Variants in LRMDA observed in about 807,000 individuals in gnomAD.
LRMDA encodes the protein leucine rich melanocyte differentiation associated.
LRMDA carries 18 observed loss-of-function variants against 29.8 expected under a neutral mutation model. That is an observed-to-expected ratio of 0.60 (90% CI 0.42 to 0.90). The LOEUF (loss-of-function observed/expected upper bound fraction) is 0.90, where lower values mean the gene tolerates loss of function less well. Ranked by LOEUF, LRMDA falls within the 40% of genes least tolerant of loss-of-function variation. The pLI, the probability that LRMDA is intolerant of heterozygous loss-of-function variation, is 0.00. For synonymous variants in LRMDA, 125 were observed against 109.4 expected (o/e 1.14, Z -0.89); for missense variants, 273 against 273.9 (o/e 1.00, Z 0.02).
In LRMDA at chr10:76,214,373, C is replaced by T. The variant is rs1040754234; in HGVS notation, c.517-110028C>T. ...TTTTTTTTATGAGACGGAGTCTCCT[C>T]TGTCGCCCAGGCCGGACTGCGTCCG... On this transcript the variant is annotated intron_variant, in intron 5 of 6. Coordinates refer to ENST00000611255, the MANE Select transcript of LRMDA (RefSeq NM_001305581.2). 4.9e-5 allele frequency among the ~76,000 whole-genome samples: 6 copies of T among 121,372 alleles called. No individual in the cohort carries two copies. The East Asian group carries it at 1.1e-3, about 22-fold the overall frequency. 79.6% of individuals were successfully genotyped at this position (121,372 alleles called of 152,430 possible). A position where few individuals can be genotyped will look rare whatever the true frequency, so the allele number is the denominator to read the frequency against.
chr10:75,818,569 T>C (rs1844099743), intron 2 of LRMDA, among the ~76,000 whole-genome samples: 1 of 152,188 alleles, frequency 6.6e-6, no homozygotes, highest in African/African-American at 2.4e-5. Flanking sequence ...AGAACTGCCT[T>C]CTTCTCCAGA....
intron 2 of LRMDA, among the ~76,000 whole-genome samples, chr10:75,797,651 G>A (rs1020387396): frequency 2.6e-5 from 4 of 152,128 alleles, no homozygotes; most frequent in African/African-American, 9.7e-5. Context: ...AATATGTGGT[G>A]TTGTGTGTCT....
At chr10:75,716,493 A>G (rs961496668) in intron 2 of LRMDA, among the ~76,000 whole-genome samples, 5 of 152,220 alleles carry the variant, frequency 3.3e-5, no homozygotes, top group Admixed American at 2.6e-4. Context: ...CATTTGAATT[A>G]AGATCTGCTC....
At position 76,310,490 on chromosome 10, in the gene LRMDA, T is replaced by TC. The variant is rs398114528; in HGVS notation, c.517-13908dup. Among the ~76,000 whole-genome samples the TC allele has an allele frequency of 1.3e-4, 19 of 151,946 alleles. 1 individual carries two copies. Among genetic ancestry groups the TC allele is most frequent in the African/African-American group, 3.9e-4 (16 of 41,488 alleles). On this transcript the variant is annotated intron_variant, in intron 5 of 6. Coordinates refer to ENST00000611255, the MANE Select transcript of LRMDA (RefSeq NM_001305581.2). ...CATAAGTCTCAAAAGAGGTATTTTT[T>TC]CCCTCCCATGCGGTTCATGCTTCCT... is the stretch of plus-strand genomic sequence containing the variant.
intron 6 of LRMDA, among the ~76,000 whole-genome samples, chr10:76,486,096 T>C (rs942394931): frequency 5.9e-5 from 9 of 151,904 alleles, no homozygotes; most frequent in African/African-American, 2.2e-4. Flanking sequence ...GGAAATAGAG[T>C]GACATATGCT....
At chr10:76,243,164 G>A (rs1852309625) in intron 5 of LRMDA, among the ~76,000 whole-genome samples, 1 of 152,178 alleles carries the variant, frequency 6.6e-6, no homozygotes, top group African/African-American at 2.4e-5. Context: ...AAGCCTCGGA[G>A]TGAACTGTTT....
intron 6 of LRMDA, among the ~76,000 whole-genome samples, chr10:76,393,562 C>A (rs931239312): frequency 6.6e-6 from 1 of 152,180 alleles, no homozygotes; most frequent in African/African-American, 2.4e-5. Context: ...TTTATATTAA[C>A]CCCTTATCAG....
At chr10:76,055,222 A>T (rs1848595087) in intron 4 of LRMDA, among the ~76,000 whole-genome samples, 2 of 152,170 alleles carry the variant, frequency 1.3e-5, no homozygotes, top group South Asian at 4.2e-4. Flanking sequence ...AGGACAATAG[A>T]CTGAGGCCAG....
chr10:75,969,077 T>A (rs1438822389), intron 2 of LRMDA, among the ~76,000 whole-genome samples: 2 of 152,210 alleles, frequency 1.3e-5, no homozygotes, highest in Non-Finnish European at 2.9e-5. Context: ...ACAGCCACTG[T>A]TGGCTGTTGC....
intron 2 of LRMDA, among the ~76,000 whole-genome samples, chr10:75,851,326 A>G (rs1844729295): frequency 6.6e-6 from 1 of 152,228 alleles, no homozygotes; most frequent in Non-Finnish European, 1.5e-5. Context: ...TACTCAGACC[A>G]TAAAGGTAAC....
chr10:76,050,109 A>G lies in LRMDA; in HGVS notation c.398+2806A>G, dbSNP rs1225153657. 3.3e-5 allele frequency among the ~76,000 whole-genome samples: 5 copies of G among 152,250 alleles called. No individual in the cohort carries two copies. In the East Asian group the frequency reaches 7.7e-4, roughly 23 times the overall value. ...AATATTTATAATATGTCACCCAGGC[A>G]TACATCAAAACAAGTGTGTCTGTTG... On this transcript the variant is annotated intron_variant, in intron 4 of 6. Coordinates refer to ENST00000611255, the MANE Select transcript of LRMDA (RefSeq NM_001305581.2).
At chr10:75,867,058 C>T (rs968930384) in intron 2 of LRMDA, among the ~76,000 whole-genome samples, 2 of 152,170 alleles carry the variant, frequency 1.3e-5, no homozygotes, top group African/African-American at 4.8e-5. Flanking sequence ...GGTGACATTG[C>T]ATCTCCACCA....
At chr10:75,495,678 T>C (rs1367872292) in intron 2 of LRMDA, among the ~76,000 whole-genome samples, 2 of 152,188 alleles carry the variant, frequency 1.3e-5, no homozygotes, top group African/African-American at 4.8e-5. Flanking sequence ...TGGGGATGAA[T>C]ACACTTTACC....
chr10:75,737,773 T>C (rs1312561971), intron 2 of LRMDA, among the ~76,000 whole-genome samples: 1 of 152,172 alleles, frequency 6.6e-6, no homozygotes, highest in East Asian at 1.9e-4. Flanking sequence ...GCCATCATGG[T>C]AATAGAAATA....
intron 2 of LRMDA, among the ~76,000 whole-genome samples, chr10:75,599,136 G>A (rs927780108): frequency 6.8e-6 from 1 of 147,904 alleles, no homozygotes; most frequent in African/African-American, 2.7e-5. Context: ...AGCCATTACC[G>A]GCTGGCGTTC....
chr10:75,582,339 G>T (rs1433804683), intron 2 of LRMDA, among the ~76,000 whole-genome samples: 1 of 152,206 alleles, frequency 6.6e-6, no homozygotes, highest in East Asian at 1.9e-4. Flanking sequence ...AATCTAGGTG[G>T]AGTCTCCCAA....
chr10:76,128,923 G>A (rs937935001), intron 5 of LRMDA, among the ~76,000 whole-genome samples: 1 of 152,156 alleles, frequency 6.6e-6, no homozygotes, highest in African/African-American at 2.4e-5. Flanking sequence ...TCTAACAATT[G>A]TGAGGGATAC....
At chr10:76,528,539 A>G (rs780949942) in intron 6 of LRMDA, among the ~76,000 whole-genome samples, 50 of 152,112 alleles carry the variant, frequency 3.3e-4, no homozygotes, top group Non-Finnish European at 5.7e-4. Context: ...TTTTTTTACA[A>G]TGAACATTTA....
intron 4 of LRMDA, among the ~76,000 whole-genome samples, chr10:76,055,943 G>C (rs1209366366): frequency 6.6e-6 from 1 of 152,252 alleles, no homozygotes; most frequent in Non-Finnish European, 1.5e-5. Flanking sequence ...CATGTGGCGA[G>C]TGGGGGGACA....
Sources: gnomAD v4.1 joint callset for allele counts (sites outside exome capture counted in the v4.1 genomes callset) on GRCh38, gnomAD v4.1.1 for gene constraint, MANE v1.5 for transcripts, NCBI Gene and HGNC (gene_info 2026-07-23, HGNC 2026-07-21) for gene names.